Variants in EML6 observed in about 807,000 individuals in gnomAD.
EML6 encodes the protein EMAP like 6.
Under a neutral mutation model 240.1 loss-of-function variants are expected in EML6, and 154 were observed. The observed-to-expected ratio is 0.64, with a 90% CI of 0.56 to 0.73. EML6 has a LOEUF of 0.73. EML6 is among the 30% of genes least tolerant of loss of function. The pLI, the probability that EML6 is intolerant of heterozygous loss-of-function variation, is 0.00. For synonymous variants in EML6, 1,148 were observed against 899.0 expected, an observed-to-expected ratio of 1.28 and a Z score of -4.95; for missense variants, 2,964 against 2,474.6, an observed-to-expected ratio of 1.20 and a Z score of -4.20.
At chr2:54,740,097 A>G (rs1572842696) in intron 2 of EML6, among the ~76,000 whole-genome samples, 1 of 152,098 alleles carries the variant, frequency 6.6e-6, no homozygotes, top group East Asian at 1.9e-4. Flanking sequence ...AGCTTTGAAC[A>G]TATTTAGATT....
At chr2:54,940,450 G>A (rs191440227) in intron 28 of EML6, among the ~76,000 whole-genome samples, 36 of 152,126 alleles carry the variant, frequency 2.4e-4, no homozygotes, top group South Asian at 6.2e-4. Flanking sequence ...AGTCTGTGGC[G>A]TCAATATAAA....
chr2:54,960,433 T>C (rs1676445246), intron 35 of EML6, 99 bp downstream of exon 35: 2 of 824,470 alleles, frequency 2.4e-6, no homozygotes, highest in African/African-American at 1.7e-5. Flanking sequence ...GTTTACTCCT[T>C]GAAACAAGGC....
In EML6 at chr2:54,819,605, G is replaced by A. The variant is rs554175019; in HGVS notation, c.457-789G>A. On this transcript the variant is annotated intron_variant, in intron 4 of 41. Transcript: ENST00000356458. Reference sequence around the variant, plus strand: ...AGCCTGACCAACATGGTGAAACCCCGTCTCTACTAAAAATAGAAAAATTAA... The same window carrying A: ...AGCCTGACCAACATGGTGAAACCCCATCTCTACTAAAAATAGAAAAATTAA... Among the ~76,000 whole-genome samples, 237 of 151,954 alleles carry A rather than the reference G, an allele frequency of 1.6e-3. 2 individuals are homozygous for A. Among genetic ancestry groups the A allele is most frequent in the African/African-American group, 5.3e-3 (219 of 41,442 alleles).
intron 26 of EML6, among the ~76,000 whole-genome samples, 167 bp from the exon 27 acceptor site, chr2:54,928,145 GA>G (rs770443728): frequency 1.9e-4 from 29 of 152,146 alleles, no homozygotes; most frequent in Non-Finnish European, 3.4e-4. Context: ...ACTGTTTGAA[GA>G]AAAAAGAGAC....
intron 28 of EML6, among the ~76,000 whole-genome samples, chr2:54,946,651 C>T (rs1231735390): frequency 6.6e-6 from 1 of 152,134 alleles, no homozygotes; most frequent in Non-Finnish European, 1.5e-5. Context: ...AACTTGCTTT[C>T]CTTTGGAGGC....
intron 7 of EML6, among the ~76,000 whole-genome samples, chr2:54,842,493 A>G (rs1028518762): frequency 2.0e-5 from 3 of 152,168 alleles, no homozygotes; most frequent in Non-Finnish European, 2.9e-5. Context: ...GTCCCCAGCA[A>G]GGAAAGAATA....
intron 2 of EML6, among the ~76,000 whole-genome samples, chr2:54,779,723 A>G (rs1668763744): frequency 6.6e-6 from 1 of 150,728 alleles, no homozygotes; most frequent in Non-Finnish European, 1.5e-5. Context: ...TTAGCGGGGT[A>G]TGGTGGTGTG....
intron 25 of EML6, among the ~76,000 whole-genome samples, chr2:54,911,829 A>C (rs1673658483): frequency 6.6e-6 from 1 of 152,180 alleles, no homozygotes; most frequent in South Asian, 2.1e-4. Flanking sequence ...TCATGTCCTT[A>C]GCTACATACA....
chr2:54,786,048 C>T (rs116709438), intron 2 of EML6, among the ~76,000 whole-genome samples: 3,647 of 151,714 alleles, frequency 0.024, 141 homozygotes, highest in African/African-American at 0.083. Context: ...AGAGGTGGAG[C>T]GGCCACCCAG....
In EML6 at chr2:54,916,934, A is replaced by G; in HGVS notation, c.3674A>G (p.Lys1225Arg). 6.5e-7 allele frequency: 1 copy of G among 1,533,056 alleles called. No individual in the cohort carries two copies. Among genetic ancestry groups the G allele is most frequent in the Non-Finnish European group, 8.8e-7 (1 of 1,131,158 alleles). The allele number at this position is 1,533,056 out of a possible 1,614,324, so 95.0% of individuals were successfully genotyped here. A position where few individuals can be genotyped will look rare whatever the true frequency, so the allele number is the denominator to read the frequency against. Reference protein sequence around the residue: ...GFVKLFSYPVKGQHARFKKYV... With the variant: ...GFVKLFSYPVRGQHARFKKYV... Reference sequence around the variant, plus strand: ...GTTAAGCTTTTTTCATATCCTGTCAAGGTAATATTGCGTGTTTATTATCTT... The same window carrying G: ...GTTAAGCTTTTTTCATATCCTGTCAGGGTAATATTGCGTGTTTATTATCTT... The change falls in exon 26 of 42, where the codon AAG (lysine) becomes AGG (arginine). Residue 1225 changes from lysine (K) to arginine (R), a missense_variant and splice_region_variant. Lys to Arg is a conservative substitution (Grantham distance 26). Coordinates refer to ENST00000356458, the MANE Select transcript of EML6 (RefSeq NM_001039753.4).
At chr2:54,856,291 G>A (rs1670372435) in intron 11 of EML6, among the ~76,000 whole-genome samples, 1 of 152,118 alleles carries the variant, frequency 6.6e-6, no homozygotes, top group African/African-American at 2.4e-5. Context: ...AAAATCCAAG[G>A]CCTTGCTCAA....
chr2:54,851,929 G>C (rs1442945543), intron 10 of EML6, among the ~76,000 whole-genome samples: 1 of 152,134 alleles, frequency 6.6e-6, no homozygotes, highest in African/African-American at 2.4e-5. Context: ...GGGATAGTCG[G>C]CTACATTATC....
chr2:54,801,325 A>AAT (rs1211423540), intron 2 of EML6, among the ~76,000 whole-genome samples: 2 of 152,048 alleles, frequency 1.3e-5, no homozygotes, highest in African/African-American at 2.4e-5. Flanking sequence ...AAAAGAAAAA[A>AAT]AAAAAAAAAG....
chr2:54,777,815 C>T (rs913553127), intron 2 of EML6, among the ~76,000 whole-genome samples: 3 of 152,114 alleles, frequency 2.0e-5, no homozygotes, highest in Admixed American at 6.5e-5. Flanking sequence ...AAGAAACTAT[C>T]TTAAAATCCA....
intron 16 of EML6, 24 bp downstream of exon 16, chr2:54,871,629 A>G (rs1316859601): frequency 6.8e-7 from 1 of 1,477,216 alleles, no homozygotes; most frequent in African/African-American, 1.4e-5. Context: ...TGATTGACAC[A>G]TGGTTCTACG....
Position 54,963,702 on chromosome 2 carries a change from C to T in EML6, c.5158-284C>T, listed in dbSNP as rs887422363. On this transcript the variant is annotated intron_variant, in intron 36 of 41. Coordinates refer to ENST00000356458, the MANE Select transcript of EML6 (RefSeq NM_001039753.4). ...CTACAGTGGCAAAGGTGAGTAGTTG[C>T]GACAGAGACTATGGCCCACAGAGTC... 5.3e-5 allele frequency among the ~76,000 whole-genome samples: 8 copies of T among 152,180 alleles called. 1 individual carries two copies. The highest frequency in any genetic ancestry group is 3.3e-4 in the Admixed American group (5 of 15,284).
intron 28 of EML6, among the ~76,000 whole-genome samples, chr2:54,930,767 A>G (rs1353598379): frequency 6.6e-6 from 1 of 152,100 alleles, no homozygotes; most frequent in African/African-American, 2.4e-5. Context: ...TGCCAGCTGC[A>G]CAGCATGCCG....
intron 12 of EML6, 120 bp downstream of exon 12, chr2:54,859,821 A>G (rs2103828582): frequency 1.3e-6 from 1 of 764,508 alleles, no homozygotes; most frequent in Non-Finnish European, 1.9e-6. Flanking sequence ...GATTCCTGTA[A>G]TCTTAAAATT....
chr2:54,917,508 G>A (rs1178213664), intron 26 of EML6, among the ~76,000 whole-genome samples: 4 of 151,754 alleles, frequency 2.6e-5, no homozygotes, highest in Non-Finnish European at 2.9e-5. Context: ...GATTACAGAC[G>A]CCTGCCAGCA....
Sources: allele counts gnomAD v4.1 joint callset (sites outside exome capture counted in the v4.1 genomes callset), GRCh38; gene constraint gnomAD v4.1.1; transcripts MANE v1.5; gene names NCBI Gene and HGNC (gene_info 2026-07-23, HGNC 2026-07-21).